KIAA0513: variants seen among roughly 807,000 people sequenced by gnomAD.
KIAA0513 encodes uncharacterized protein KIAA0513.
A neutral mutation model predicts 56.5 loss-of-function variants in KIAA0513; 39 were observed. That is an observed-to-expected ratio of 0.69 (90% CI 0.53 to 0.90). KIAA0513 has a LOEUF of 0.90. Among genes scored for constraint, KIAA0513 ranks in the 40% least tolerant of loss-of-function variants. The pLI is 0.00. For synonymous variants in KIAA0513, 268 were observed against 215.6 expected (o/e 1.24, Z -2.13); for missense variants, 591 against 535.2 (o/e 1.10, Z -1.03).
intron 11 of KIAA0513, 58 bp from the exon 12 acceptor site, chr16:85,087,014 T>G: frequency 6.6e-7 from 1 of 1,518,796 alleles, no homozygotes; most frequent in South Asian, 1.1e-5. Flanking sequence ...AGGGCCCAGC[T>G]CCCCGGCCCT....
At position 85,089,126 on chromosome 16, in the gene KIAA0513, T is replaced by G. The variant is rs957393195; in HGVS notation, c.*801T>G. 1.3e-5 allele frequency: 2 copies of G among 152,212 alleles called. No individual in the cohort carries two copies. Among genetic ancestry groups the G allele is most frequent in the African/African-American group, 4.8e-5 (2 of 41,448 alleles). 9.4% of individuals were successfully genotyped at this position (152,212 alleles called of 1,614,324 possible). On this transcript the variant is annotated 3_prime_UTR_variant, in exon 13 of 13. Transcript: ENST00000683363. The surrounding 1 kb of genome is among the most constrained non-coding windows in gnomAD (Gnocchi z 4.2). ...AGCTCCCTTCTGAAGCAGAGAAGCC[T>G]CCATGGTCACGAAGCAGCGTTGTGC... is the stretch of plus-strand genomic sequence containing the variant.
At chr16:85,072,896 CAAT>C (rs759111172) in intron 3 of KIAA0513, 26 bp from the exon 4 acceptor site, 5 of 1,611,566 alleles carry the variant, frequency 3.1e-6, no homozygotes, top group Non-Finnish European at 4.2e-6. Flanking sequence ...CCCTGAACCT[CAAT>C]GATGTGTCTG....
In KIAA0513 at chr16:85,076,761, G is replaced by A. The variant is rs563428461; in HGVS notation, c.575-664G>A. Among the ~76,000 whole-genome samples the A allele has an allele frequency of 6.6e-6, 1 of 152,168 alleles. No individual in the cohort carries two copies. Among genetic ancestry groups the A allele is most frequent in the Non-Finnish European group, 1.5e-5 (1 of 68,024 alleles). ...AGGCCACACGTCGGCTGCTTTGGGT[G>A]GGGTAGGAACCCCCCAGTACAACCT... On this transcript the variant is annotated intron_variant, in intron 5 of 12. Coordinates refer to ENST00000683363, the MANE Select transcript of KIAA0513 (RefSeq NM_001388359.1). This position sits in a 1 kb window ranked among gnomAD's most constrained non-coding sequence, Gnocchi z 4.7.
chr16:85,028,371 C>G (rs1441845660), intron 1 of KIAA0513, among the ~76,000 whole-genome samples: 1 of 152,082 alleles, frequency 6.6e-6, no homozygotes, highest in Non-Finnish European at 1.5e-5. Flanking sequence ...CCTCACCGCT[C>G]CCGGGGCTTA....
chr16:85,044,218 C>T (rs563418647), intron 1 of KIAA0513, among the ~76,000 whole-genome samples: 1 of 152,294 alleles, frequency 6.6e-6, no homozygotes, highest in East Asian at 1.9e-4. Flanking sequence ...ACAGTGAAGA[C>T]ATTGGGTCAG....
intron 1 of KIAA0513, among the ~76,000 whole-genome samples, chr16:85,033,630 G>A (rs2072996649): frequency 6.6e-6 from 1 of 150,688 alleles, no homozygotes; most frequent in Non-Finnish European, 1.5e-5. Context: ...CCCTCAGGGA[G>A]TTCATAGAGC....
intron 1 of KIAA0513, among the ~76,000 whole-genome samples, chr16:85,061,156 CAAA>C (rs71386073): frequency 9.2e-6 from 1 of 109,156 alleles, no homozygotes. Context: ...GTCTCCGTCT[CAAA>C]AAAAAAAAAA....
At chr16:85,049,687 C>T (rs1316004321) in intron 1 of KIAA0513, among the ~76,000 whole-genome samples, 1 of 152,192 alleles carries the variant, frequency 6.6e-6, no homozygotes, top group Non-Finnish European at 1.5e-5. Flanking sequence ...CCTGAGGCAT[C>T]CCCAGAAGTC....
intron 7 of KIAA0513, 65 bp from the exon 8 acceptor site, chr16:85,078,860 C>T: frequency 4.5e-6 from 7 of 1,557,292 alleles, no homozygotes; most frequent in Non-Finnish European, 6.2e-6. Flanking sequence ...AGGCTGTCAC[C>T]CGGGGTTTGC....
chr16:85,071,765 C>A lies in KIAA0513; in HGVS notation c.330-18C>A. The A allele has an allele frequency of 8.3e-7, 1 of 1,206,504 alleles. No homozygotes were observed. The highest frequency in any genetic ancestry group is 1.1e-6 in the Non-Finnish European group (1 of 889,466). 74.7% of individuals were successfully genotyped at this position (1,206,504 alleles called of 1,614,324 possible). On this transcript the variant is annotated intron_variant, in intron 2 of 12. Coordinates refer to ENST00000683363, the MANE Select transcript of KIAA0513 (RefSeq NM_001388359.1). The stretch of plus-strand genomic sequence containing the variant: ...GGGTTTTTTTTTTTTTTCCTCTGCT[C>A]TTTTTTTTTTTTTTTAGGGAGGACT...
chr16:85,037,989 CA>C (rs897693968), intron 1 of KIAA0513, among the ~76,000 whole-genome samples: 1 of 152,180 alleles, frequency 6.6e-6, no homozygotes, highest in Non-Finnish European at 1.5e-5. Flanking sequence ...AGCATCTTTC[CA>C]AAATCGAATT....
chr16:85,055,098 A>AT (rs1169453336), intron 1 of KIAA0513, among the ~76,000 whole-genome samples: 2 of 151,286 alleles, frequency 1.3e-5, no homozygotes, highest in East Asian at 1.9e-4. Flanking sequence ...AATTTAGTTT[A>AT]TTTTTTTTAG....
chr16:85,079,819 A>G (rs2073716008), intron 8 of KIAA0513: 1 of 152,230 alleles, frequency 6.6e-6, no homozygotes, highest in Non-Finnish European at 1.5e-5. Context: ...TCTTACATAT[A>G]TATACGTGAA....
intron 1 of KIAA0513, among the ~76,000 whole-genome samples, chr16:85,051,716 C>G (rs1187017844): frequency 6.6e-6 from 1 of 152,156 alleles, no homozygotes; most frequent in Non-Finnish European, 1.5e-5. Context: ...CACCCTTGCT[C>G]ATGTGATATG....
intron 1 of KIAA0513, among the ~76,000 whole-genome samples, chr16:85,035,113 C>T (rs907844442): frequency 6.6e-6 from 1 of 152,104 alleles, no homozygotes; most frequent in African/African-American, 2.4e-5. Context: ...AATCCCAGGC[C>T]CCAGGACATC....
In KIAA0513 at chr16:85,076,418, C is replaced by T. The variant is rs931108299; in HGVS notation, c.574+504C>T. Among the ~76,000 whole-genome samples the T allele has an allele frequency of 2.6e-5, 4 of 152,114 alleles. No individual in the cohort carries two copies. Among genetic ancestry groups the T allele is most frequent in the African/African-American group, 9.7e-5 (4 of 41,408 alleles). The stretch of plus-strand genomic sequence containing the variant: ...GCTGAGGCTAGGACATCTCTTCCGC[C>T]TCATTGCGTTGGCACTTTCTCGTAT... On this transcript the variant is annotated intron_variant, in intron 5 of 12. Coordinates refer to ENST00000683363, the MANE Select transcript of KIAA0513 (RefSeq NM_001388359.1). This position sits in a 1 kb window ranked among gnomAD's most constrained non-coding sequence, Gnocchi z 4.7.
chr16:85,077,892 A>G, intron 6 of KIAA0513, among the ~76,000 whole-genome samples: 1 of 152,130 alleles, frequency 6.6e-6, no homozygotes, highest in East Asian at 1.9e-4. Context: ...GGCAGAGGGA[A>G]CTGCAGCCCT....
At chr16:85,057,274 A>G (rs1480589206) in intron 1 of KIAA0513, among the ~76,000 whole-genome samples, 1 of 152,214 alleles carries the variant, frequency 6.6e-6, no homozygotes, top group Non-Finnish European at 1.5e-5. Context: ...TCAAAAGACC[A>G]GTAAATGATC....
chr16:85,086,667 A>C lies in KIAA0513; in HGVS notation c.1034A>C (p.Gln345Pro). 1 of 1,613,714 alleles carries C rather than the reference A, an allele frequency of 6.2e-7. No individual in the cohort carries two copies. Among genetic ancestry groups the C allele is most frequent in the South Asian group, 1.1e-5 (1 of 91,066 alleles). ...EKREKWCHMT[Q>P]EERDDSLRFN... is the part of the protein sequence containing the mutation. ...AGGGAGAAGTGGTGCCACATGACCC[A>C]GGAGGAGCGCGACGACAGCCTCCGG... is the stretch of plus-strand genomic sequence containing the variant. Residue 345 changes from glutamine (Q) to proline (P), a missense_variant, in exon 11 of 13, where the codon CAG becomes CCG. Gln to Pro is a moderately conservative substitution (Grantham distance 76). Coordinates refer to ENST00000683363, the MANE Select transcript of KIAA0513 (RefSeq NM_001388359.1).
Sources: allele counts gnomAD v4.1 joint callset (sites outside exome capture counted in the v4.1 genomes callset), GRCh38; gene constraint gnomAD v4.1.1; non-coding constraint Gnocchi (gnomAD v3.1); transcripts MANE v1.5; gene names NCBI Gene and HGNC (gene_info 2026-07-23, HGNC 2026-07-21).